The following ATP6V0B variants were observed in gnomAD, a reference collection of about 807,000 sequenced individuals.
The protein encoded by ATP6V0B is V-type proton ATPase 21 kDa proteolipid subunit c''.
Under a neutral mutation model 26.2 loss-of-function variants are expected in ATP6V0B, and 4 were observed. That is an observed-to-expected ratio of 0.15 (90% CI 0.08 to 0.35). The LOEUF (loss-of-function observed/expected upper bound fraction) is 0.35, where lower values mean the gene tolerates loss of function less well. ATP6V0B is among the 10% of genes least tolerant of loss of function. The pLI, the probability that ATP6V0B is intolerant of heterozygous loss-of-function variation, is 1.00. For synonymous variants in ATP6V0B, 110 were observed against 105.8 expected (o/e 1.04, Z -0.24); for missense variants, 175 against 272.5 (o/e 0.64, Z 2.52).
intron 1 of ATP6V0B, 137 bp from the exon 2 acceptor site, chr1:43,975,663 A>G: frequency 1.1e-6 from 1 of 922,374 alleles, no homozygotes; most frequent in Non-Finnish European, 1.8e-6. Flanking sequence ...CTGTCTACAC[A>G]GCTGTACTGT....
In ATP6V0B at chr1:43,977,021, C is replaced by G. The variant is rs954085826; in HGVS notation, c.401-5C>G. The stretch of plus-strand genomic sequence containing the variant: ...GCCTCACTGCACCCCTCTCTATCCT[C>G]CCAGGCTACTCCATGTTTGGGGCTG... On this transcript the variant is annotated splice_polypyrimidine_tract_variant and splice_region_variant and intron_variant, in intron 6 of 7. Transcript: ENST00000472174. 1 of 1,604,172 alleles carries G rather than the reference C, an allele frequency of 6.2e-7. No homozygotes were observed. The highest frequency in any genetic ancestry group is 1.1e-5 in the South Asian group (1 of 90,258).
At chr1:43,977,450 GTA>G (rs1378740384) in intron 7 of ATP6V0B, 1 of 1,454,514 alleles carries the variant, frequency 6.9e-7, no homozygotes, top group African/African-American at 1.4e-5. Context: ...CTAATGCGTT[GTA>G]TCTGTATAGC....
In ATP6V0B at chr1:43,976,739, G is replaced by A. The variant is rs2085524528; in HGVS notation, c.349-34G>A. 6.2e-7 allele frequency: 1 copy of A among 1,614,090 alleles called. No homozygotes were observed. Among genetic ancestry groups the A allele is most frequent in the Non-Finnish European group, 8.5e-7 (1 of 1,179,976 alleles). ...CTTAGAGATTGGATGGGGTGCATCAGGATGGTTTCTGATTACTTTTCTTCT... is the reference window on the plus strand; with the variant it reads ...CTTAGAGATTGGATGGGGTGCATCAAGATGGTTTCTGATTACTTTTCTTCT... On this transcript the variant is annotated intron_variant, in intron 5 of 7. Transcript: ENST00000472174. The surrounding 1 kb of genome is among the most constrained non-coding windows in gnomAD (Gnocchi z 4.6).
chr1:43,978,096 G>A lies in ATP6V0B; in HGVS notation c.*89G>A. On this transcript the variant is annotated 3_prime_UTR_variant, in exon 8 of 8. Coordinates refer to ENST00000472174, the MANE Select transcript of ATP6V0B (RefSeq NM_004047.5). ...GAGCTGTGTCCCTTAGCCTTTCAGA[G>A]GCTTGGTGTTCAGGGCCCTCCCTGC... The A allele has an allele frequency of 6.3e-7, 1 of 1,589,372 alleles. No individual in the cohort carries two copies. Among genetic ancestry groups the A allele is most frequent in the East Asian group, 2.2e-5 (1 of 44,768 alleles).
intron 1 of ATP6V0B, chr1:43,975,460 C>T (rs2085507741): frequency 3.6e-6 from 2 of 549,596 alleles, no homozygotes; most frequent in East Asian, 3.2e-5. Context: ...AGTCGCTTTG[C>T]CCTCCCCCAC....
At position 43,977,191 on chromosome 1, in the gene ATP6V0B, T is replaced by C. The variant is rs1304124384; in HGVS notation, c.566T>C (p.Phe189Ser). 1 of 1,614,178 alleles carries C rather than the reference T, an allele frequency of 6.2e-7. No homozygotes were observed. The highest frequency in any genetic ancestry group is 1.7e-5 in the Admixed American group (1 of 60,026). ...VEIFGSAIGLFGVIVAILQTS... is the reference protein window; with the variant it reads ...VEIFGSAIGLSGVIVAILQTS... ...ATCTTTGGCAGCGCCATTGGCCTCT[T>C]TGGGGTCATCGTCGCAATTCTTCAG... Residue 189 changes from phenylalanine (F) to serine (S), a missense_variant, in exon 7 of 8, where the codon TTT becomes TCT. This residue lies in a region of ATP6V0B where 97 missense variants were observed against 158.0 expected (regional missense o/e 0.61). Transcript: ENST00000472174.
At chr1:43,975,600 G>A in intron 1 of ATP6V0B, 200 bp from the exon 2 acceptor site, 1 of 665,734 alleles carries the variant, frequency 1.5e-6, no homozygotes, top group Non-Finnish European at 2.6e-6. Flanking sequence ...GCTTGGTCTG[G>A]GAGGTGGTTT....
rs1052620335 is a variant in ATP6V0B at position 43,976,126 on chromosome 1, C to T, written c.153C>T (p.Asn51=). The T allele has an allele frequency of 3.7e-6, 6 of 1,614,136 alleles. No individual in the cohort carries two copies. Among genetic ancestry groups the T allele is most frequent in the African/African-American group, 2.7e-5 (2 of 75,028 alleles). ...AGACTTCGCCCTTCATGTGGTCCAA[C>T]CTGGGCATTGGCCTAGCTATCTCCC... ...LTETSPFMWS[N]LGIGLAISLS... The change falls in exon 3 of 8, where the codon AAC becomes AAT. Residue 51 remains asparagine, a synonymous_variant. Transcript: ENST00000472174. The surrounding 1 kb of genome is among the most constrained non-coding windows in gnomAD (Gnocchi z 4.6).
chr1:43,978,092 C>G lies in ATP6V0B; in HGVS notation c.*85C>G. ...GCTGGAGCTGTGTCCCTTAGCCTTT[C>G]AGAGGCTTGGTGTTCAGGGCCCTCC... is the stretch of plus-strand genomic sequence containing the variant. On this transcript the variant is annotated 3_prime_UTR_variant, in exon 8 of 8. Coordinates refer to ENST00000472174, the MANE Select transcript of ATP6V0B (RefSeq NM_004047.5). 6.3e-7 allele frequency: 1 copy of G among 1,589,034 alleles called. No individual in the cohort carries two copies. Among genetic ancestry groups the G allele is most frequent in the Non-Finnish European group, 8.6e-7 (1 of 1,157,840 alleles).
chr1:43,976,721 A>G lies in ATP6V0B; in HGVS notation c.349-52A>G. ...AGTGTGTTCTACACATTCCTTAGAG[A>G]TTGGATGGGGTGCATCAGGATGGTT... On this transcript the variant is annotated intron_variant, in intron 5 of 7. Transcript: ENST00000472174. The surrounding 1 kb of genome is among the most constrained non-coding windows in gnomAD (Gnocchi z 4.6). The G allele has an allele frequency of 6.2e-7, 1 of 1,613,774 alleles. No individual in the cohort carries two copies. The highest frequency in any genetic ancestry group is 1.3e-5 in the African/African-American group (1 of 75,002).
Position 43,976,222 on chromosome 1 carries a change from G to A in ATP6V0B, c.200+49G>A, listed in dbSNP as rs774613455. On this transcript the variant is annotated intron_variant, in intron 3 of 7. Transcript: ENST00000472174. The surrounding 1 kb of genome is among the most constrained non-coding windows in gnomAD (Gnocchi z 4.6). ...GGGGGCAGGGGCTGAGTCATGGCAG[G>A]TGGTGTCACTGGGGTCTTAGGCATG... 3 of 1,609,660 alleles carry A rather than the reference G, an allele frequency of 1.9e-6. No homozygotes were observed. Among genetic ancestry groups the A allele is most frequent in the African/African-American group, 1.3e-5 (1 of 74,810 alleles).
rs1299893398 is a variant in ATP6V0B, at chr1:43,976,201, G to A, written c.200+28G>A. ...GAGTATTGGGGTGGTGGGACTGGGGGCAGGGGCTGAGTCATGGCAGGTGGT... is the reference window on the plus strand; with the variant it reads ...GAGTATTGGGGTGGTGGGACTGGGGACAGGGGCTGAGTCATGGCAGGTGGT... On this transcript the variant is annotated intron_variant, in intron 3 of 7. Transcript: ENST00000472174. The surrounding 1 kb of genome is among the most constrained non-coding windows in gnomAD (Gnocchi z 4.6). 3 of 1,611,626 alleles carry A rather than the reference G, an allele frequency of 1.9e-6. No individual in the cohort carries two copies. Among genetic ancestry groups the A allele is most frequent in the South Asian group, 2.2e-5 (2 of 91,012 alleles).
chr1:43,977,456 G>A (rs956242884), intron 7 of ATP6V0B: 2 of 1,440,150 alleles, frequency 1.4e-6, no homozygotes, highest in African/African-American at 2.9e-5. Context: ...CGTTGTATCT[G>A]TATAGCACTT....
At chr1:43,977,580 G>T in intron 7 of ATP6V0B, 2 of 1,422,834 alleles carry the variant, frequency 1.4e-6, no homozygotes, top group East Asian at 2.5e-5. Flanking sequence ...GTCTGTCATG[G>T]TGTGTTTGAC....
rs77740145 is a variant in ATP6V0B at position 43,976,520 on chromosome 1, C to A, written c.279-70C>A. The A allele has an allele frequency of 4.9e-5, 77 of 1,583,480 alleles. No homozygotes were observed. The East Asian group carries it at 1.7e-3, about 35-fold the overall frequency. Reference sequence around the variant, plus strand: ...GAAAGATTGCTGGGGACTTACTGGGCAGGAAGGACGGTTTCTTTCTCATTT... The same window carrying A: ...GAAAGATTGCTGGGGACTTACTGGGAAGGAAGGACGGTTTCTTTCTCATTT... On this transcript the variant is annotated intron_variant, in intron 4 of 7. Coordinates refer to ENST00000472174, the MANE Select transcript of ATP6V0B (RefSeq NM_004047.5). This position sits in a 1 kb window ranked among gnomAD's most constrained non-coding sequence, Gnocchi z 4.6.
At position 43,976,508 on chromosome 1, in the gene ATP6V0B, G is replaced by A; in HGVS notation, c.279-82G>A. ...GATGTTATAGGGGAAAGATTGCTGG[G>A]GACTTACTGGGCAGGAAGGACGGTT... is the stretch of plus-strand genomic sequence containing the variant. On this transcript the variant is annotated intron_variant, in intron 4 of 7. Transcript: ENST00000472174. The surrounding 1 kb of genome is among the most constrained non-coding windows in gnomAD (Gnocchi z 4.6). The A allele has an allele frequency of 6.4e-7, 1 of 1,567,658 alleles. No homozygotes were observed.
chr1:43,975,522 T>C, intron 1 of ATP6V0B: 1 of 573,526 alleles, frequency 1.7e-6, no homozygotes, highest in Non-Finnish European at 3.1e-6. Context: ...GGGATCTGGC[T>C]GGAGCGCTTG....
At chr1:43,977,302 C>A in intron 7 of ATP6V0B, 86 bp downstream of exon 7, 1 of 1,611,388 alleles carries the variant, frequency 6.2e-7, no homozygotes, top group Non-Finnish European at 8.5e-7. Flanking sequence ...TGCTCTCCTT[C>A]TCTACCTATA....
rs751167166 is a variant in ATP6V0B at position 43,976,584 on chromosome 1, T to C, written c.279-6T>C. ...ACTCCTTACCCCTAATCTCTACCAC[T>C]ACCAGCATCATCTTCTGTGAGGCTG... On this transcript the variant is annotated splice_region_variant and splice_polypyrimidine_tract_variant and intron_variant, in intron 4 of 7. Coordinates refer to ENST00000472174, the MANE Select transcript of ATP6V0B (RefSeq NM_004047.5). This position sits in a 1 kb window ranked among gnomAD's most constrained non-coding sequence, Gnocchi z 4.6. 3 of 1,613,840 alleles carry C rather than the reference T, an allele frequency of 1.9e-6. No individual in the cohort carries two copies. Among genetic ancestry groups the C allele is most frequent in the Non-Finnish European group, 2.5e-6 (3 of 1,179,868 alleles).
Sources: gnomAD v4.1 joint callset for allele counts on GRCh38, gnomAD v4.1.1 for gene constraint, gnomAD v4.1.1 regional missense constraint, Gnocchi (gnomAD v3.1) non-coding constraint, MANE v1.5 for transcripts, NCBI Gene and HGNC (gene_info 2026-07-23, HGNC 2026-07-21) for gene names.